The following LACRT variants were observed in gnomAD, a reference collection of about 807,000 sequenced individuals.
LACRT encodes extracellular glycoprotein lacritin.
A neutral mutation model predicts 14.5 loss-of-function variants in LACRT; 14 were observed. That is an observed-to-expected ratio of 0.96 (90% CI 0.64 to 1.51). The LOEUF (loss-of-function observed/expected upper bound fraction) is 1.51, where lower values mean the gene tolerates loss of function less well. Ranked by LOEUF, LACRT falls within the 40% of genes most tolerant of loss-of-function variation. The pLI is 0.00. For missense variants in LACRT, 156 were observed against 161.8 expected (o/e 0.96, Z 0.19); for synonymous variants, 70 against 63.5 (o/e 1.10, Z -0.48).
rs538833690 is a variant in LACRT, at chr12:54,633,286, C to T, written c.59-53G>A. On this transcript the variant is annotated intron_variant, in intron 1 of 4. Transcript: ENST00000257867. ...GAGCAAGGACCGAACCGGACCTACT[C>T]GAGCCACCCTCCCCTCCCATTCCCA... The T allele has an allele frequency of 2.9e-5, 43 of 1,487,206 alleles. No individual in the cohort carries two copies. In the South Asian group the frequency reaches 4.4e-4, roughly 15 times the overall value. 92.1% of individuals were successfully genotyped at this position (1,487,206 alleles called of 1,614,324 possible). A position where few individuals can be genotyped will look rare whatever the true frequency, so the allele number is the denominator to read the frequency against.
At chr12:54,634,748 G>A (rs878871990) in intron 1 of LACRT, 36 bp downstream of exon 1, 1 of 1,590,424 alleles carries the variant, frequency 6.3e-7, no homozygotes, top group Non-Finnish European at 8.6e-7. Flanking sequence ...GGACTGGGAG[G>A]ACTCTTGTGG....
Position 54,630,916 on chromosome 12 carries a change from G to C in LACRT, c.393C>G (p.Phe131Leu), listed in dbSNP as rs866021048. The stretch of plus-strand genomic sequence containing the variant: ...CTCATGCCCATGGTTTTAATAGACT[G>C]AATTTCTTCAGTAATTTTTGTGCAA... ...SEFAQKLLKK[F>L]SLLKPWA The change falls in exon 5 of 5, where the codon TTC becomes TTG. Residue 131 changes from phenylalanine to leucine, a missense_variant. Physicochemically the swap from Phe to Leu is conservative, Grantham distance 22. Coordinates refer to ENST00000257867, the MANE Select transcript of LACRT (RefSeq NM_033277.2). 1.2e-6 allele frequency: 2 copies of C among 1,612,344 alleles called. No individual in the cohort carries two copies. The highest frequency in any genetic ancestry group is 4.5e-5 in the East Asian group (2 of 44,848).
chr12:54,632,722 T>C (rs1028243092), intron 2 of LACRT, among the ~76,000 whole-genome samples: 1 of 152,096 alleles, frequency 6.6e-6, no homozygotes, highest in Non-Finnish European at 1.5e-5. Flanking sequence ...GGCGAAGGCA[T>C]GTGTGGGGAA....
chr12:54,632,160 C>A (rs1344281489), intron 3 of LACRT, 81 bp downstream of exon 3: 42 of 1,525,320 alleles, frequency 2.8e-5, no homozygotes, highest in Non-Finnish European at 3.6e-5. Flanking sequence ...CCAGGCTTAT[C>A]TCTGTGCGTG....
chr12:54,633,147 G>A (rs778665328), intron 2 of LACRT, 33 bp downstream of exon 2: 5 of 1,608,176 alleles, frequency 3.1e-6, no homozygotes, highest in African/African-American at 2.7e-5. Flanking sequence ...CCTTCCCAAC[G>A]AGGGCTAGGG....
intron 1 of LACRT, among the ~76,000 whole-genome samples, chr12:54,633,882 T>C (rs1347865419): frequency 3.9e-5 from 6 of 152,138 alleles, no homozygotes; most frequent in African/African-American, 1.4e-4. Context: ...TGGGGAATTA[T>C]ATGTAAACTG....
At chr12:54,631,954 C>A in intron 3 of LACRT, 115 bp from the exon 4 acceptor site, 1 of 645,478 alleles carries the variant, frequency 1.5e-6, no homozygotes, top group East Asian at 3.1e-5. Flanking sequence ...GACATCATCC[C>A]TACAGAAAGT....
Position 54,630,903 on chromosome 12 carries a change from G to A in LACRT, c.406C>T (p.Pro136Ser). The A allele has an allele frequency of 6.2e-7, 1 of 1,609,224 alleles. No homozygotes were observed. Among genetic ancestry groups the A allele is most frequent in the Non-Finnish European group, 8.5e-7 (1 of 1,175,642 alleles). Residue 136 changes from proline to serine, a missense_variant, in exon 5 of 5, where the codon CCA becomes TCA. Transcript: ENST00000257867. ...KLLKKFSLLK[P>S]WA ...TTCTTTTCAGCTTCTCATGCCCATGGTTTTAATAGACTGAATTTCTTCAGT... is the reference window on the plus strand; with the variant it reads ...TTCTTTTCAGCTTCTCATGCCCATGATTTTAATAGACTGAATTTCTTCAGT...
At chr12:54,631,210 T>C (rs1958150446) in intron 4 of LACRT, among the ~76,000 whole-genome samples, 2 of 152,168 alleles carry the variant, frequency 1.3e-5, no homozygotes, top group Admixed American at 1.3e-4. Flanking sequence ...AGACCCCAGG[T>C]GAATCAATAT....
chr12:54,632,455 C>T lies in LACRT; in HGVS notation c.113-74G>A. On this transcript the variant is annotated intron_variant, in intron 2 of 4. Coordinates refer to ENST00000257867, the MANE Select transcript of LACRT (RefSeq NM_033277.2). Reference sequence around the variant, plus strand: ...TCTTTTGGAATGGGTTGCAGGGCCCCAGGATACCTAATGTGTGCTGGGTGC... The same window carrying T: ...TCTTTTGGAATGGGTTGCAGGGCCCTAGGATACCTAATGTGTGCTGGGTGC... 3 of 1,562,334 alleles carry T rather than the reference C, an allele frequency of 1.9e-6. No individual in the cohort carries two copies. The South Asian group carries it at 3.5e-5, about 18-fold the overall frequency.
At position 54,631,183 on chromosome 12, in the gene LACRT, C is replaced by A. The variant is rs556494815; in HGVS notation, c.356-230G>T. Among the ~76,000 whole-genome samples the A allele has an allele frequency of 7.9e-5, 12 of 152,268 alleles. No homozygotes were observed. In the South Asian group the frequency reaches 2.3e-3, roughly 29 times the overall value. On this transcript the variant is annotated intron_variant, in intron 4 of 4. Coordinates refer to ENST00000257867, the MANE Select transcript of LACRT (RefSeq NM_033277.2). ...GAATAGAAACAAGCAGGCTCTGCTG[C>A]GGGAAGGTAGGGGGTTAGACCCCAG...
At chr12:54,633,555 G>A (rs576573715) in intron 1 of LACRT, among the ~76,000 whole-genome samples, 1 of 152,258 alleles carries the variant, frequency 6.6e-6, no homozygotes, top group East Asian at 1.9e-4. Context: ...ATGGTCAGAG[G>A]GGCTCAACCT....
At chr12:54,634,762 G>A (rs201479815) in intron 1 of LACRT, 22 bp downstream of exon 1, 112 of 1,608,822 alleles carry the variant, frequency 7.0e-5, no homozygotes, top group African/African-American at 2.0e-4. Flanking sequence ...CTTGTGGGGC[G>A]CAGAGGAAAG....
At chr12:54,631,161 T>C (rs1272933276) in intron 4 of LACRT, among the ~76,000 whole-genome samples, 3 of 152,138 alleles carry the variant, frequency 2.0e-5, no homozygotes, top group African/African-American at 7.2e-5. Context: ...GGGACAAGAA[T>C]AGAAACAAGC....
chr12:54,631,374 G>A (rs1043780788), intron 4 of LACRT, among the ~76,000 whole-genome samples: 1 of 152,134 alleles, frequency 6.6e-6, no homozygotes, highest in South Asian at 2.1e-4. Flanking sequence ...CAAGTAGCTG[G>A]GACTACAGGC....
chr12:54,634,808 C>T lies in LACRT; in HGVS notation c.34G>A (p.Val12Ile), dbSNP rs375707988. 1 of 1,613,824 alleles carries T rather than the reference C, an allele frequency of 6.2e-7. No homozygotes were observed. Among genetic ancestry groups the T allele is most frequent in the African/African-American group, 1.3e-5 (1 of 74,888 alleles). The change falls in exon 1 of 5, where the codon GTA becomes ATA. Residue 12 changes from valine (V) to isoleucine (I), a missense_variant. Val to Ile is a conservative substitution (Grantham distance 29). Transcript: ENST00000257867. The stretch of plus-strand genomic sequence containing the variant: ...CCAGCATAGACCAGGGCCCCTGCTA[C>T]AGCTGCCAAGAAGAGGAGAGTGGTA... ...KFTTLLFLAA[V>I]AGALVYAEDA...
intron 1 of LACRT, among the ~76,000 whole-genome samples, chr12:54,634,441 G>A (rs918032333): frequency 1.3e-5 from 2 of 152,008 alleles, no homozygotes; most frequent in African/African-American, 2.4e-5. Context: ...GTGTCGGCCA[G>A]ATTTTAGCTT....
rs1305847517 is a variant in LACRT at position 54,630,898 on chromosome 12, C to T, written c.411G>A (p.Trp137Ter). Residue 137 changes from tryptophan to a stop codon, truncating the protein, a stop_gained, in exon 5 of 5, where the codon TGG (tryptophan) becomes TGA (stop). Coordinates refer to ENST00000257867, the MANE Select transcript of LACRT (RefSeq NM_033277.2). LOFTEE classifies it high-confidence loss of function. ...TCCCATTCTTTTCAGCTTCTCATGC[C>T]CATGGTTTTAATAGACTGAATTTCT... ...LLKKFSLLKP[W>*]A The T allele has an allele frequency of 6.2e-7, 1 of 1,607,684 alleles. No homozygotes were observed.
At position 54,632,284 on chromosome 12, in the gene LACRT, C is replaced by A. The variant is rs181595624; in HGVS notation, c.210G>T (p.Gly70=). 1.0e-4 allele frequency: 165 copies of A among 1,614,106 alleles called. 1 individual carries two copies. In the East Asian group the frequency reaches 3.3e-3, roughly 33 times the overall value. Reference sequence around the variant, plus strand: ...GCCTGCTTGAGGTGACCTTGGCTGTCCCCTGAACTGCTGCCGCCGAAGTCT... The same window carrying A: ...GCCTGCTTGAGGTGACCTTGGCTGTACCCTGAACTGCTGCCGCCGAAGTCT... The part of the protein sequence containing the change: ...AQETSAAAVQ[G]TAKVTSSRQE... The change falls in exon 3 of 5, where the codon GGG becomes GGT. Residue 70 remains glycine, a synonymous_variant. Coordinates refer to ENST00000257867, the MANE Select transcript of LACRT (RefSeq NM_033277.2).
Sources: gnomAD v4.1 joint callset for allele counts (sites outside exome capture counted in the v4.1 genomes callset) on GRCh38, gnomAD v4.1.1 for gene constraint, MANE v1.5 for transcripts, NCBI Gene and HGNC (gene_info 2026-07-23, HGNC 2026-07-21) for gene names.